NCAM1: variants seen among roughly 807,000 people sequenced by gnomAD.
NCAM1 encodes neural cell adhesion molecule 1.
NCAM1 carries 14 observed loss-of-function variants against 109.8 expected under a neutral mutation model. The observed-to-expected ratio is 0.13, with a 90% CI of 0.08 to 0.20. The LOEUF (loss-of-function observed/expected upper bound fraction) is 0.20, where lower values mean the gene tolerates loss of function less well. NCAM1 is among the 10% of genes least tolerant of loss of function. The pLI, the probability that NCAM1 is intolerant of heterozygous loss-of-function variation, is 1.00. For missense variants in NCAM1, 774 were observed against 1,109.9 expected (o/e 0.70, Z 4.30); for synonymous variants, 418 against 442.9 (o/e 0.94, Z 0.70).
At chr11:113,073,910 A>T (rs1353150020) in intron 1 of NCAM1, among the ~76,000 whole-genome samples, 1 of 152,194 alleles carries the variant, frequency 6.6e-6, no homozygotes, top group Non-Finnish European at 1.5e-5. Flanking sequence ...GTTCTTGTAA[A>T]GCATCCACAT....
At chr11:113,203,616 T>C (rs931969113) in intron 2 of NCAM1, among the ~76,000 whole-genome samples, 3 of 152,346 alleles carry the variant, frequency 2.0e-5, no homozygotes, top group Admixed American at 2.0e-4. Context: ...CACAGTCTGT[T>C]CCTCCTCATT....
intron 15 of NCAM1, among the ~76,000 whole-genome samples, chr11:113,252,818 TTTTTTTTTTTTTG>T: frequency 7.2e-6 from 1 of 138,994 alleles, no homozygotes; most frequent in African/African-American, 2.7e-5. Flanking sequence ...TTTTTTTTTT[TTTTTTTTTTTTTG>T]GTAGAGACAG....
intron 9 of NCAM1, among the ~76,000 whole-genome samples, chr11:113,226,195 G>A (rs780228359): frequency 4.6e-5 from 7 of 152,166 alleles, no homozygotes; most frequent in African/African-American, 1.2e-4. Context: ...CCCTTCTCAC[G>A]TGCAGAGACA....
chr11:113,233,075 C>T lies in NCAM1; in HGVS notation c.1523-72C>T. The T allele has an allele frequency of 7.0e-7, 1 of 1,437,530 alleles. No individual in the cohort carries two copies. The highest frequency in any genetic ancestry group is 9.6e-7 in the Non-Finnish European group (1 of 1,045,380). 89.0% of individuals were successfully genotyped at this position (1,437,530 alleles called of 1,614,324 possible). ...GTGAGCAGAAATGACAGAGATGTGC[C>T]TTGTGACTGAGAGTTAATGGTCTTG... On this transcript the variant is annotated intron_variant, in intron 12 of 19. Transcript: ENST00000316851. This position sits in a 1 kb window ranked among gnomAD's most constrained non-coding sequence, Gnocchi z 4.5.
At chr11:113,108,608 T>A (rs1555092991) in intron 1 of NCAM1, among the ~76,000 whole-genome samples, 1 of 152,162 alleles carries the variant, frequency 6.6e-6, no homozygotes, top group East Asian at 1.9e-4. Flanking sequence ...CCTGAAAGCA[T>A]ATGGCAGACA....
chr11:113,063,352 ACT>A (rs1475896662), intron 1 of NCAM1, among the ~76,000 whole-genome samples: 2 of 151,884 alleles, frequency 1.3e-5, no homozygotes, highest in African/African-American at 4.8e-5. Context: ...TCTGATTTAG[ACT>A]CTGCTCTCTG....
intron 1 of NCAM1, among the ~76,000 whole-genome samples, chr11:113,162,202 G>A (rs1394024990): frequency 1.3e-5 from 2 of 152,152 alleles, no homozygotes; most frequent in Non-Finnish European, 2.9e-5. Context: ...GGGGCCTACT[G>A]TAATTTAGCC....
chr11:113,199,789 A>AAT (rs1943982443), intron 1 of NCAM1, among the ~76,000 whole-genome samples: 1 of 151,230 alleles, frequency 6.6e-6, no homozygotes, highest in African/African-American at 2.4e-5. Context: ...ATAATAATAA[A>AAT]AAAAAGAATA....
At chr11:113,083,148 G>C (rs1033147719) in intron 1 of NCAM1, among the ~76,000 whole-genome samples, 3 of 151,952 alleles carry the variant, frequency 2.0e-5, no homozygotes, top group Non-Finnish European at 2.9e-5. Flanking sequence ...TCTGCTCCTG[G>C]CCATGTGGTG....
intron 3 of NCAM1, among the ~76,000 whole-genome samples, 157 bp downstream of exon 3, chr11:113,204,661 A>T (rs1196728780): frequency 6.6e-6 from 1 of 152,118 alleles, no homozygotes; most frequent in African/African-American, 2.4e-5. Flanking sequence ...GCCAACCCAG[A>T]ACTCACAACC....
chr11:112,980,931 C>T (rs1048709827), intron 1 of NCAM1, among the ~76,000 whole-genome samples: 25 of 151,740 alleles, frequency 1.6e-4, no homozygotes, highest in Non-Finnish European at 3.2e-4. Context: ...TGGAAAATGC[C>T]TAGCACCTGG....
At chr11:112,966,939 G>A (rs1415754871) in intron 1 of NCAM1, among the ~76,000 whole-genome samples, 2 of 152,210 alleles carry the variant, frequency 1.3e-5, no homozygotes, top group Non-Finnish European at 2.9e-5. Context: ...AAAAGGATAA[G>A]CTATTTGGTG....
At chr11:113,182,984 A>G (rs1414836211) in intron 1 of NCAM1, among the ~76,000 whole-genome samples, 1 of 152,192 alleles carries the variant, frequency 6.6e-6, no homozygotes, top group Non-Finnish European at 1.5e-5. Flanking sequence ...GAAAATTGGG[A>G]AACTCCTTGA....
At chr11:113,223,099 A>G (rs1944733233) in intron 9 of NCAM1, among the ~76,000 whole-genome samples, 2 of 152,176 alleles carry the variant, frequency 1.3e-5, no homozygotes, top group African/African-American at 4.8e-5. Flanking sequence ...TGGGGAAAAA[A>G]GGAGTTTTCT....
chr11:113,106,295 CATCTT>C (rs1940156981), intron 1 of NCAM1, among the ~76,000 whole-genome samples: 1 of 152,110 alleles, frequency 6.6e-6, no homozygotes, highest in African/African-American at 2.4e-5. Context: ...TAACAACAAA[CATCTT>C]AACTCAGTAA....
chr11:113,120,332 G>A (rs536771443), intron 1 of NCAM1, among the ~76,000 whole-genome samples: 4 of 152,262 alleles, frequency 2.6e-5, no homozygotes, highest in African/African-American at 4.8e-5. Context: ...GAAGGTTTCC[G>A]GTAGAAGTAT....
intron 1 of NCAM1, among the ~76,000 whole-genome samples, chr11:113,137,854 T>C (rs1555099750): frequency 3.9e-5 from 6 of 152,178 alleles, no homozygotes. Flanking sequence ...TGACCAGTCG[T>C]GTTCGGAAAT....
chr11:113,056,483 T>C (rs1333826429), intron 1 of NCAM1, among the ~76,000 whole-genome samples: 1 of 152,204 alleles, frequency 6.6e-6, no homozygotes, highest in African/African-American at 2.4e-5. Context: ...TATTCAGCCA[T>C]CACATGTACC....
In NCAM1 at chr11:112,996,897, T is replaced by G. The variant is rs575434967; in HGVS notation, c.52+35233T>G. 7.2e-5 allele frequency among the ~76,000 whole-genome samples: 11 copies of G among 152,350 alleles called. 1 individual carries two copies. The South Asian group carries it at 2.3e-3, about 32-fold the overall frequency. On this transcript the variant is annotated intron_variant, in intron 1 of 19. Coordinates refer to ENST00000316851, the MANE Select transcript of NCAM1 (RefSeq NM_181351.5). Reference sequence around the variant, plus strand: ...GGTTTTCTAGGGAGATTTCTCCAGCTAAAATGCAGACATTACTGGTAAGGG... The same window carrying G: ...GGTTTTCTAGGGAGATTTCTCCAGCGAAAATGCAGACATTACTGGTAAGGG...
Sources: allele counts gnomAD v4.1 joint callset (sites outside exome capture counted in the v4.1 genomes callset), GRCh38; gene constraint gnomAD v4.1.1; non-coding constraint Gnocchi (gnomAD v3.1); transcripts MANE v1.5; gene names NCBI Gene and HGNC (gene_info 2026-07-23, HGNC 2026-07-21).